MTFR1: variants seen among roughly 807,000 people sequenced by gnomAD.
The protein encoded by MTFR1 is chondrocyte protein with a poly-proline region.
A neutral mutation model predicts 38.8 loss-of-function variants in MTFR1; 28 were observed. That is an observed-to-expected ratio of 0.72 (90% CI 0.53 to 0.99). MTFR1 has a LOEUF of 0.99. Among genes scored for constraint, MTFR1 ranks in the 50% least tolerant of loss-of-function variants. The pLI is 0.00. For missense variants in MTFR1, 358 were observed against 395.5 expected (o/e 0.91, Z 0.81); for synonymous variants, 145 against 137.0 (o/e 1.06, Z -0.41).
intron 1 of MTFR1, among the ~76,000 whole-genome samples, chr8:65,647,588 G>A (rs993469668): frequency 2.6e-5 from 4 of 152,168 alleles, no homozygotes; most frequent in African/African-American, 9.6e-5. Flanking sequence ...GGGATTATAG[G>A]TGTGAGCCAC....
At chr8:65,769,721 C>T (rs926196586) in intron 3 of MTFR1, among the ~76,000 whole-genome samples, 2 of 152,032 alleles carry the variant, frequency 1.3e-5, no homozygotes, top group Non-Finnish European at 2.9e-5. Flanking sequence ...CATAGTGAAA[C>T]CCCGTCTCTA....
intron 3 of MTFR1, among the ~76,000 whole-genome samples, chr8:65,738,066 A>G (rs1056882983): frequency 6.6e-6 from 1 of 152,222 alleles, no homozygotes; most frequent in Non-Finnish European, 1.5e-5. Context: ...ATTGCAATAT[A>G]GCAAGTCAAA....
chr8:65,682,790 TAATTATAC>T lies in MTFR1; in HGVS notation c.165+340_165+347del, dbSNP rs1369918607. ...ATGTACCACCATTATTTTTCTTCTG[TAATTATAC>T]CTTCCTCTTTGGATAGCCACTCTGT... On this transcript the variant is annotated intron_variant, in intron 3 of 7. Coordinates refer to ENST00000262146, the MANE Select transcript of MTFR1 (RefSeq NM_014637.4). 18 of 985,224 alleles carry T rather than the reference TAATTATAC, an allele frequency of 1.8e-5. No individual in the cohort carries two copies. In the Admixed American group the frequency reaches 4.3e-4, roughly 24 times the overall value. 61.0% of individuals were successfully genotyped at this position (985,224 alleles called of 1,614,324 possible). A position where few individuals can be genotyped will look rare whatever the true frequency, so the allele number is the denominator to read the frequency against.
chr8:65,655,951 A>AATATATATATATATATGT (rs1554545339), intron 1 of MTFR1, among the ~76,000 whole-genome samples: 8 of 55,374 alleles, frequency 1.4e-4, no homozygotes, highest in East Asian at 6.1e-4. Context: ...TAAAAAAAAA[A>AATATATATATATATATGT]ATATATATAT....
At chr8:65,667,276 CA>C (rs141779787) in intron 1 of MTFR1, among the ~76,000 whole-genome samples, 27,591 of 117,762 alleles carry the variant, frequency 0.23, 2,706 homozygotes, top group Middle Eastern at 0.29. Context: ...AACTCCGTCT[CA>C]AAAAAAAAAA....
intron 3 of MTFR1, chr8:65,722,109 G>A (rs751150550): frequency 6.6e-6 from 1 of 152,182 alleles, no homozygotes; most frequent in Non-Finnish European, 1.5e-5. Flanking sequence ...CATTTCTAAT[G>A]TATTCTTTTG....
chr8:65,665,922 A>G (rs1278867081), intron 1 of MTFR1, among the ~76,000 whole-genome samples: 2 of 152,146 alleles, frequency 1.3e-5, no homozygotes, highest in African/African-American at 2.4e-5. Flanking sequence ...ATTAATCTCT[A>G]TTAATTCTTA....
rs1554545336 is a variant in MTFR1 at position 65,655,951 on chromosome 8, A to AAATATATATATATATGTAT, written c.-81+11168_-81+11169insATATATATATATATGTATA. ...AGCAAGACTCTGTCTTAAAAAAAAAAATATATATATATATATACCATATAT... is the reference window on the plus strand; with the variant it reads ...AGCAAGACTCTGTCTTAAAAAAAAAAAATATATATATATATGTATATATATATATATATATACCATATAT... On this transcript the variant is annotated intron_variant, in intron 1 of 7. Coordinates refer to ENST00000262146, the MANE Select transcript of MTFR1 (RefSeq NM_014637.4). Among the ~76,000 whole-genome samples, 4 of 55,380 alleles carry AAATATATATATATATGTAT rather than the reference A, an allele frequency of 7.2e-5. No homozygotes were observed. In the East Asian group the frequency reaches 9.1e-4, roughly 13 times the overall value. 36.3% of individuals were successfully genotyped at this position (55,380 alleles called of 152,430 possible).
intron 4 of MTFR1, among the ~76,000 whole-genome samples, chr8:65,703,594 C>A (rs1805688020): frequency 6.6e-6 from 1 of 151,798 alleles, no homozygotes; most frequent in Non-Finnish European, 1.5e-5. Context: ...CCACCATACT[C>A]AGCTAATTCT....
chr8:65,721,409 C>T (rs1318916131), intron 3 of MTFR1, among the ~76,000 whole-genome samples: 4 of 152,042 alleles, frequency 2.6e-5, no homozygotes, highest in Non-Finnish European at 2.9e-5. Flanking sequence ...ATTTGATGTC[C>T]GAAAGACCTG....
intron 3 of MTFR1, chr8:65,739,692 A>G: frequency 8.3e-7 from 1 of 1,206,590 alleles, no homozygotes; most frequent in Non-Finnish European, 1.1e-6. Flanking sequence ...TAAAACATGG[A>G]AAGAGTAATA....
intron 3 of MTFR1, among the ~76,000 whole-genome samples, chr8:65,755,103 G>A (rs1004639582): frequency 2.1e-5 from 3 of 143,998 alleles, no homozygotes; most frequent in Non-Finnish European, 3.0e-5. Flanking sequence ...TCACTGTAAC[G>A]TCTGCCTCCC....
At chr8:65,727,231 T>C (rs781358827) in intron 3 of MTFR1, 1 of 1,613,964 alleles carries the variant, frequency 6.2e-7, no homozygotes, top group Non-Finnish European at 8.5e-7. Flanking sequence ...AACACCTGGA[T>C]GATCCAGATC....
intron 3 of MTFR1, among the ~76,000 whole-genome samples, chr8:65,683,410 G>T (rs1234588010): frequency 6.6e-6 from 1 of 152,110 alleles, no homozygotes; most frequent in South Asian, 2.1e-4. Flanking sequence ...GATTACAGGT[G>T]TGAGCCACTG....
At chr8:65,652,223 C>T (rs1228975125) in intron 1 of MTFR1, among the ~76,000 whole-genome samples, 1 of 152,134 alleles carries the variant, frequency 6.6e-6, no homozygotes, top group Non-Finnish European at 1.5e-5. Context: ...TCTCGTACCT[C>T]AACCTCCCAA....
upstream of MTFR1, among the ~76,000 whole-genome samples, chr8:65,644,496 C>T (rs1250796652): frequency 6.6e-6 from 1 of 152,214 alleles, no homozygotes; most frequent in Non-Finnish European, 1.5e-5. Flanking sequence ...AAAGCACTTC[C>T]CAGGACAGGA....
At chr8:65,739,769 T>G (rs1807324461) in intron 3 of MTFR1, among the ~76,000 whole-genome samples, 1 of 152,242 alleles carries the variant, frequency 6.6e-6, no homozygotes, top group African/African-American at 2.4e-5. Flanking sequence ...ATGTCACATC[T>G]TGTTTCATTA....
intron 1 of MTFR1, among the ~76,000 whole-genome samples, chr8:65,661,691 C>T (rs1157833478): frequency 4.0e-5 from 6 of 151,858 alleles, no homozygotes; most frequent in Admixed American, 2.6e-4. Flanking sequence ...AGGCCAGGCA[C>T]GGTGGCTCAC....
chr8:65,733,201 A>T (rs1806974716), intron 3 of MTFR1, among the ~76,000 whole-genome samples: 2 of 152,184 alleles, frequency 1.3e-5, no homozygotes, highest in African/African-American at 4.8e-5. Flanking sequence ...TCATGTTTTT[A>T]TTAATTTTTG....
Sources: gnomAD v4.1 joint callset for allele counts (sites outside exome capture counted in the v4.1 genomes callset) on GRCh38, gnomAD v4.1.1 for gene constraint, MANE v1.5 for transcripts, NCBI Gene and HGNC (gene_info 2026-07-23, HGNC 2026-07-21) for gene names.